Variants in FRMD3 observed in about 807,000 individuals in gnomAD.
FRMD3 encodes the protein FERM domain-containing protein 3.
A neutral mutation model predicts 70.2 loss-of-function variants in FRMD3; 33 were observed. The observed-to-expected ratio is 0.47, with a 90% confidence interval of 0.36 to 0.63. The LOEUF (loss-of-function observed/expected upper bound fraction) is 0.63, where lower values mean the gene tolerates loss of function less well. FRMD3 is among the 20% of genes least tolerant of loss of function. The pLI is 0.00. For synonymous variants in FRMD3, 279 were observed against 255.9 expected (o/e 1.09, Z -0.86); for missense variants, 632 against 711.4 (o/e 0.89, Z 1.27).
Position 83,248,228 on chromosome 9 carries a change from A to T in FRMD3, c.1484T>A (p.Ile495Asn), listed in dbSNP as rs373531120. 1 of 1,614,054 alleles carries T rather than the reference A, an allele frequency of 6.2e-7. No individual in the cohort carries two copies. The highest frequency in any genetic ancestry group is 8.5e-7 in the Non-Finnish European group (1 of 1,180,032). ...DLEADENAFL[I>N]AEEEELKEAR... ...CTCCTTCAGCTCCTCTTCTTCAGCA[A>T]TCAAAAAGGCGTTTTCATCTGCTTC... is the stretch of plus-strand genomic sequence containing the variant. The change falls in exon 14 of 14, where the codon ATT (isoleucine) becomes AAT (asparagine). Residue 495 changes from isoleucine (I) to asparagine (N), a missense_variant. By Grantham distance (149) the Ile-to-Asn change is moderately radical. Around this residue, in one of 3 missense-constraint regions of FRMD3, gnomAD observed 418 missense variants for 442.1 expected, o/e 0.95. Transcript: ENST00000304195.
At chr9:83,255,510 A>G (rs1038743490) in intron 13 of FRMD3, among the ~76,000 whole-genome samples, 1 of 150,766 alleles carries the variant, frequency 6.6e-6, no homozygotes, top group South Asian at 2.1e-4. Context: ...CATTTGACAG[A>G]GTATTGGAAG....
intron 8 of FRMD3, among the ~76,000 whole-genome samples, chr9:83,310,922 G>A (rs1835327226): frequency 6.6e-6 from 1 of 152,202 alleles, no homozygotes; most frequent in South Asian, 2.1e-4. Context: ...CGGATTCACA[G>A]TATCTGACTT....
intron 13 of FRMD3, among the ~76,000 whole-genome samples, chr9:83,282,473 A>G (rs1834010879): frequency 6.6e-6 from 1 of 152,134 alleles, no homozygotes. Flanking sequence ...CTCAAAAGCT[A>G]TGAAAAATAT....
At chr9:83,560,213 C>T in the FRMD3 span, among the ~76,000 whole-genome samples, 1 of 152,184 alleles carries the variant, frequency 6.6e-6, no homozygotes, top group Non-Finnish European at 1.5e-5. Context: ...GAACAGGCAG[C>T]GTATCTTCCC....
At chr9:83,547,414 T>C in the FRMD3 span, among the ~76,000 whole-genome samples, 2 of 151,402 alleles carry the variant, frequency 1.3e-5, no homozygotes, top group Non-Finnish European at 2.9e-5. Context: ...AAAGTATTGA[T>C]TTAAAGTTGT....
At chr9:83,417,049 G>C (rs1826479117) in intron 1 of FRMD3, among the ~76,000 whole-genome samples, 1 of 152,104 alleles carries the variant, frequency 6.6e-6, no homozygotes, top group African/African-American at 2.4e-5. Context: ...AATATCAAGA[G>C]TCCTGCCGTA....
At position 83,346,255 on chromosome 9, in the gene FRMD3, CAAAAAAAAAAAA is replaced by C. The variant is rs56163115; in HGVS notation, c.375-2980_375-2969del. Among the ~76,000 whole-genome samples, 313 of 62,160 alleles carry C rather than the reference CAAAAAAAAAAAA, an allele frequency of 5.0e-3. 3 individuals carry two copies. Among genetic ancestry groups the C allele is most frequent in the African/African-American group, 0.02 (298 of 14,898 alleles). The allele number at this position is 62,160 out of a possible 152,430, so 40.8% of individuals were successfully genotyped here. ...TGAGCGACAGAGCAAGACGCCATCT[CAAAAAAAAAAAA>C]AAAAAAAAAAAAGTGCAAACAAGCC... On this transcript the variant is annotated intron_variant, in intron 4 of 13. Transcript: ENST00000304195.
At chr9:83,357,263 A>G (rs868623067) in intron 3 of FRMD3, among the ~76,000 whole-genome samples, 2 of 63,038 alleles carry the variant, frequency 3.2e-5, no homozygotes, top group African/African-American at 1.9e-4. Flanking sequence ...ATATATATAT[A>G]TATATATATA....
chr9:83,419,818 G>A (rs1194848723), intron 1 of FRMD3, among the ~76,000 whole-genome samples: 2 of 152,124 alleles, frequency 1.3e-5, no homozygotes, highest in Non-Finnish European at 2.9e-5. Context: ...CTATACCTGA[G>A]TTTGTTTTAC....
intron 8 of FRMD3, 34 bp from the exon 9 acceptor site, chr9:83,310,582 A>C (rs1835314449): frequency 6.4e-7 from 1 of 1,550,788 alleles, no homozygotes; most frequent in Non-Finnish European, 8.7e-7. Context: ...AAGAAGAAAA[A>C]AAGTGGCAGC....
chr9:83,295,007 C>G (rs1834604011), intron 12 of FRMD3, among the ~76,000 whole-genome samples: 1 of 152,210 alleles, frequency 6.6e-6, no homozygotes, highest in Admixed American at 6.5e-5. Context: ...TCTCCACTCT[C>G]AGAATCCATC....
chr9:83,453,671 T>G (rs1300768827), intron 1 of FRMD3, among the ~76,000 whole-genome samples: 2 of 151,940 alleles, frequency 1.3e-5, no homozygotes, highest in East Asian at 3.8e-4. Context: ...TTAGATTGGG[T>G]TAATTCAAAT....
At chr9:83,251,251 C>T (rs1042805652) in intron 13 of FRMD3, among the ~76,000 whole-genome samples, 2 of 152,154 alleles carry the variant, frequency 1.3e-5, no homozygotes, top group Non-Finnish European at 2.9e-5. Context: ...AAGCACAGCA[C>T]CAGCAAACTG....
rs375235711 is a variant in FRMD3 at position 83,255,091 on chromosome 9, G to A, written c.1196-6575C>T. ...AGATACAACGAAAAAAGTAAACTTC[G>A]GGCCAATATCCTTGATGAACATTGA... On this transcript the variant is annotated intron_variant, in intron 13 of 13. Transcript: ENST00000304195. 1.4e-4 allele frequency among the ~76,000 whole-genome samples: 21 copies of A among 151,884 alleles called. No homozygotes were observed. In the East Asian group the frequency reaches 1.6e-3, roughly 11 times the overall value.
intron 1 of FRMD3, among the ~76,000 whole-genome samples, chr9:83,399,438 C>T (rs907724386): frequency 3.3e-5 from 5 of 152,144 alleles, no homozygotes; most frequent in African/African-American, 2.4e-5. Flanking sequence ...TTTGTCAGCT[C>T]TTCTTAGCAG....
At chr9:83,273,708 G>A (rs1301616342) in intron 13 of FRMD3, among the ~76,000 whole-genome samples, 3 of 146,940 alleles carry the variant, frequency 2.0e-5, no homozygotes, top group Admixed American at 6.8e-5. Context: ...AATTGACTAA[G>A]ATTTATGCAC....
chr9:83,262,982 CA>C (rs1833057270), intron 13 of FRMD3, among the ~76,000 whole-genome samples: 1 of 152,040 alleles, frequency 6.6e-6, no homozygotes, highest in South Asian at 2.1e-4. Context: ...AAATAAAAAT[CA>C]AAGGGGAAGA....
intron 1 of FRMD3, among the ~76,000 whole-genome samples, chr9:83,474,319 C>T (rs1010590679): frequency 5.9e-5 from 9 of 152,182 alleles, no homozygotes; most frequent in African/African-American, 1.9e-4. Flanking sequence ...GTTATTGTCT[C>T]TATCATTTAT....
chr9:83,522,618 C>T (rs1192697018), intron 1 of FRMD3, among the ~76,000 whole-genome samples: 1 of 146,682 alleles, frequency 6.8e-6, no homozygotes, highest in Non-Finnish European at 1.5e-5. Flanking sequence ...GGCTGGAGTG[C>T]AGTGTAGCGA....
Sources: gnomAD v4.1 joint callset for allele counts (sites outside exome capture counted in the v4.1 genomes callset) on GRCh38, gnomAD v4.1.1 for gene constraint, gnomAD v4.1.1 regional missense constraint, MANE v1.5 for transcripts, NCBI Gene and HGNC (gene_info 2026-07-23, HGNC 2026-07-21) for gene names.